Variants in CHRNG observed in about 807,000 individuals in gnomAD.
CHRNG encodes the protein cholinergic receptor nicotinic gamma subunit.
In CHRNG, 72 loss-of-function variants were observed where a neutral mutation model predicts 65.2. That is an observed-to-expected ratio of 1.10 (90% CI 0.91 to 1.34). The LOEUF is 1.34. Among genes scored for constraint, CHRNG ranks in the 40% most tolerant of loss-of-function variants. The pLI, the probability that CHRNG is intolerant of heterozygous loss-of-function variation, is 0.00. For synonymous variants in CHRNG, 284 were observed against 290.2 expected, an observed-to-expected ratio of 0.98 and a Z score of 0.22; for missense variants, 637 against 680.1, an observed-to-expected ratio of 0.94 and a Z score of 0.70.
intron 8 of CHRNG, 57 bp from the exon 9 acceptor site, chr2:232,543,528 G>A (rs923366979): frequency 3.0e-5 from 40 of 1,312,062 alleles, no homozygotes; most frequent in Non-Finnish European, 4.4e-5. Flanking sequence ...CAGCCACTAA[G>A]CGTGGGGGTG....
At position 232,542,411 on chromosome 2, in the gene CHRNG, G is replaced by A. The variant is rs184423691; in HGVS notation, c.507-12G>A. ...CCGCTCACATTTAGCCTCTTTCCTC[G>A]GTGACTCCCAGGTCCCAGACTTACA... On this transcript the variant is annotated splice_polypyrimidine_tract_variant and intron_variant, in intron 5 of 11. Transcript: ENST00000651502. 992 of 1,599,618 alleles carry A rather than the reference G, an allele frequency of 6.2e-4. No homozygotes were observed. The highest frequency in any genetic ancestry group is 8.1e-4 in the Non-Finnish European group (945 of 1,167,436).
chr2:232,541,983 A>C lies in CHRNG; in HGVS notation c.507-440A>C. On this transcript the variant is annotated intron_variant, in intron 5 of 11. Coordinates refer to ENST00000651502, the MANE Select transcript of CHRNG (RefSeq NM_005199.5). The surrounding 1 kb of genome is among the most constrained non-coding windows in gnomAD (Gnocchi z 4.0). ...TCTCTGGGTCTGTTTCCTCAAACCT[A>C]AGTGTGGGGAGGAGGGCCCGGGGGA... 3.2e-6 allele frequency: 1 copy of C among 315,822 alleles called. No individual in the cohort carries two copies. The highest frequency in any genetic ancestry group is 6.1e-6 in the Non-Finnish European group (1 of 165,144). 19.6% of individuals were successfully genotyped at this position (315,822 alleles called of 1,614,324 possible).
At position 232,543,369 on chromosome 2, in the gene CHRNG, G is replaced by C; in HGVS notation, c.900G>C (p.Gln300His). 1 of 1,613,794 alleles carries C rather than the reference G, an allele frequency of 6.2e-7. No homozygotes were observed. Among genetic ancestry groups the C allele is most frequent in the Non-Finnish European group, 8.5e-7 (1 of 1,179,728 alleles). ...LVAKKVPETSQAVPLISKYLT... is the reference protein window; with the variant it reads ...LVAKKVPETSHAVPLISKYLT... ...CCAAGAAGGTGCCTGAAACCTCCCA[G>C]GCGGTGCCACTCATCAGCAAGTAAG... Residue 300 changes from glutamine (Q) to histidine (H), a missense_variant, in exon 8 of 12, where the codon CAG becomes CAC. Gln to His is a conservative substitution (Grantham distance 24). Transcript: ENST00000651502.
chr2:232,541,307 G>T lies in CHRNG; in HGVS notation c.351-67G>T, dbSNP rs1225326241. ...CCTATCCACATGGGGCACAGGGGCT[G>T]GTCTGGGGCTGGGGTGTCGGGGGCT... On this transcript the variant is annotated intron_variant, in intron 4 of 11. Transcript: ENST00000651502. This position sits in a 1 kb window ranked among gnomAD's most constrained non-coding sequence, Gnocchi z 4.0. The T allele has an allele frequency of 6.2e-7, 1 of 1,600,552 alleles. No individual in the cohort carries two copies. Among genetic ancestry groups the T allele is most frequent in the Non-Finnish European group, 8.5e-7 (1 of 1,169,804 alleles).
rs1692001912 is a variant in CHRNG, at chr2:232,540,914, C to G, written c.350+203C>G. Among the ~76,000 whole-genome samples the G allele has an allele frequency of 6.6e-6, 1 of 152,044 alleles. No homozygotes were observed. The highest frequency in any genetic ancestry group is 2.4e-5 in the African/African-American group (1 of 41,402). The stretch of plus-strand genomic sequence containing the variant: ...TGACCCCAGGGCCAGCAGAGCAGAC[C>G]CTACGCCAGGCTCCATCTCCTCTGG... On this transcript the variant is annotated intron_variant, in intron 4 of 11. Coordinates refer to ENST00000651502, the MANE Select transcript of CHRNG (RefSeq NM_005199.5). This position sits in a 1 kb window ranked among gnomAD's most constrained non-coding sequence, Gnocchi z 4.2.
chr2:232,545,782 C>T lies in CHRNG; in HGVS notation c.*66C>T, dbSNP rs995325414. 8.4e-6 allele frequency: 13 copies of T among 1,551,354 alleles called. No homozygotes were observed. The highest frequency in any genetic ancestry group is 4.5e-5 in the South Asian group (4 of 89,834). On this transcript the variant is annotated 3_prime_UTR_variant, in exon 12 of 12. Coordinates refer to ENST00000651502, the MANE Select transcript of CHRNG (RefSeq NM_005199.5). Reference sequence around the variant, plus strand: ...GGGTCACACTGAGTCTTATCAGCCACGTTCTCCTACTGAGGTCCTAAGTGT... The same window carrying T: ...GGGTCACACTGAGTCTTATCAGCCATGTTCTCCTACTGAGGTCCTAAGTGT...
Position 232,543,717 on chromosome 2 carries a change from C to CTTGCGGA in CHRNG, c.1035+18_1035+19insTTGCGGA. ...TCCGCAAGGCAAGGACCCTCCCTGC[C>CTTGCGGA]CACTTCAACATCCCGCTGCCCACTC... On this transcript the variant is annotated intron_variant, in intron 9 of 11. Coordinates refer to ENST00000651502, the MANE Select transcript of CHRNG (RefSeq NM_005199.5). The CTTGCGGA allele has an allele frequency of 6.8e-7, 1 of 1,464,780 alleles. No homozygotes were observed. The highest frequency in any genetic ancestry group is 9.6e-7 in the Non-Finnish European group (1 of 1,044,482). 90.7% of individuals were successfully genotyped at this position (1,464,780 alleles called of 1,614,324 possible). A position where few individuals can be genotyped will look rare whatever the true frequency, so the allele number is the denominator to read the frequency against.
rs751748690 is a variant in CHRNG at position 232,545,590 on chromosome 2, C to T, written c.1428C>T (p.Cys476=). Residue 476 remains cysteine, a synonymous_variant, in exon 12 of 12, where the codon TGC becomes TGT. Transcript: ENST00000651502. ...TGGGCCGAGTGCTGGACCGCGTCTGCTTCCTGGCCATGCTCTCGCTCTTCA... is the reference window on the plus strand; with the variant it reads ...TGGGCCGAGTGCTGGACCGCGTCTGTTTCCTGGCCATGCTCTCGCTCTTCA... ...FLVGRVLDRV[C]FLAMLSLFIC... 8.1e-6 allele frequency: 13 copies of T among 1,614,104 alleles called. No individual in the cohort carries two copies. The highest frequency in any genetic ancestry group is 1.1e-5 in the Non-Finnish European group (13 of 1,180,030).
rs57021172 is a variant in CHRNG, at chr2:232,546,308, C to CTT, written c.*611_*612dup. 0.29 allele frequency: 26,660 copies of CTT among 93,510 alleles called. 3,490 individuals carry two copies. Among genetic ancestry groups the CTT allele is most frequent in the East Asian group, 0.48 (1,702 of 3,580 alleles). The allele number at this position is 93,510 out of a possible 1,614,324, so 5.8% of individuals were successfully genotyped here. A position where few individuals can be genotyped will look rare whatever the true frequency, so the allele number is the denominator to read the frequency against. ...ACGATTTCCTGAGTTTTGTAATCCT[C>CTT]TTTTTTTTTTTTTTTTTTTTAGTTT... On this transcript the variant is annotated 3_prime_UTR_variant, in exon 12 of 12. Transcript: ENST00000651502.
rs753880381 is a variant in CHRNG, at chr2:232,543,695, G to A, written c.1031G>A (p.Arg344His). The A allele has an allele frequency of 1.8e-5, 28 of 1,590,596 alleles. No individual in the cohort carries two copies. Among genetic ancestry groups the A allele is most frequent in the South Asian group, 6.6e-5 (6 of 90,606 alleles). ...ACACACTCCATGGCCCGAGGGGTCC[G>A]CAAGGCAAGGACCCTCCCTGCCCAC... The part of the protein sequence containing the change: ...PHTHSMARGV[R>H]KVFLRLLPQL... Residue 344 changes from arginine (R) to histidine (H), a missense_variant, in exon 9 of 12, where the codon CGC (arginine) becomes CAC (histidine). Transcript: ENST00000651502.
At chr2:232,543,877 C>T (rs977097810) in intron 9 of CHRNG, among the ~76,000 whole-genome samples, 178 bp downstream of exon 9, 2 of 152,230 alleles carry the variant, frequency 1.3e-5, no homozygotes. Context: ...TCCTAGGTGC[C>T]CGGGATATTA....
In CHRNG at chr2:232,546,672, A is replaced by C. The variant is rs74539497; in HGVS notation, c.*956A>C. On this transcript the variant is annotated 3_prime_UTR_variant, in exon 12 of 12. Transcript: ENST00000651502. The stretch of plus-strand genomic sequence containing the variant: ...TTAAGAGCTCCTCACAGCAGTATGG[A>C]TAAGCAAGAGTCATTATTCCCCATG... 0.18 allele frequency among the ~76,000 whole-genome samples: 26,917 copies of C among 151,954 alleles called. 2,598 individuals carry two copies. The highest frequency in any genetic ancestry group is 0.26 in the Middle Eastern group (76 of 294).
intron 5 of CHRNG, 143 bp from the exon 6 acceptor site, chr2:232,542,280 T>G (rs966328919): frequency 2.9e-6 from 2 of 680,378 alleles, no homozygotes; most frequent in African/African-American, 3.5e-5. Context: ...ATCTCGCCAG[T>G]GGGGTTTTAT....
Position 232,540,526 on chromosome 2 carries a change from C to G in CHRNG, c.241-76C>G. 6.2e-7 allele frequency: 1 copy of G among 1,600,472 alleles called. No individual in the cohort carries two copies. Among genetic ancestry groups the G allele is most frequent in the South Asian group, 1.1e-5 (1 of 90,736 alleles). On this transcript the variant is annotated intron_variant, in intron 3 of 11. Transcript: ENST00000651502. The surrounding 1 kb of genome is among the most constrained non-coding windows in gnomAD (Gnocchi z 4.2). ...GCCCCGTTCCTGCCTCTTCTGTCCTCTTGGGCTGGATGCCCACTCCTAGGG... is the reference window on the plus strand; with the variant it reads ...GCCCCGTTCCTGCCTCTTCTGTCCTGTTGGGCTGGATGCCCACTCCTAGGG...
rs776565802 is a variant in CHRNG, at chr2:232,545,665, G to A, written c.1503G>A (p.Pro501=). 1.9e-5 allele frequency: 30 copies of A among 1,614,008 alleles called. 1 individual carries two copies. The highest frequency in any genetic ancestry group is 1.1e-4 in the South Asian group (10 of 91,090). Residue 501 remains proline (P), a synonymous_variant, in exon 12 of 12, where the codon CCG becomes CCA. Transcript: ENST00000651502. ...IFLMAHYNRV[P]ALPFPGDPRP... ...TCATGGCCCACTACAACCGGGTGCC[G>A]GCCCTGCCATTCCCTGGAGATCCAC...
chr2:232,540,146 G>A lies in CHRNG; in HGVS notation c.195+15G>A, dbSNP rs774358095. The A allele has an allele frequency of 9.9e-6, 16 of 1,614,044 alleles. No individual in the cohort carries two copies. Among genetic ancestry groups the A allele is most frequent in the East Asian group, 8.9e-5 (4 of 44,882 alleles). Reference sequence around the variant, plus strand: ...TCATCTCCCTGGTAAGCCGCAGGACGGAGGAGGGGTCAGCGCACCACGCCC... The same window carrying A: ...TCATCTCCCTGGTAAGCCGCAGGACAGAGGAGGGGTCAGCGCACCACGCCC... On this transcript the variant is annotated intron_variant, in intron 2 of 11. Coordinates refer to ENST00000651502, the MANE Select transcript of CHRNG (RefSeq NM_005199.5). This position sits in a 1 kb window ranked among gnomAD's most constrained non-coding sequence, Gnocchi z 4.2.
In CHRNG at chr2:232,546,325, TTTTA is replaced by T. The variant is rs1352596753; in HGVS notation, c.*610_*613del. ...GTAATCCTCTTTTTTTTTTTTTTTT[TTTTA>T]GTTTTTGATGTGTTGTTGTTGTTTT... is the stretch of plus-strand genomic sequence containing the variant. On this transcript the variant is annotated 3_prime_UTR_variant, in exon 12 of 12. Transcript: ENST00000651502. 1.3e-5 allele frequency: 2 copies of T among 156,552 alleles called. No homozygotes were observed. Among genetic ancestry groups the T allele is most frequent in the Non-Finnish European group, 2.8e-5 (2 of 70,708 alleles). The allele number at this position is 156,552 out of a possible 1,614,324, so 9.7% of individuals were successfully genotyped here.
chr2:232,540,489 T>A lies in CHRNG; in HGVS notation c.240+64T>A. 1 of 1,604,764 alleles carries A rather than the reference T, an allele frequency of 6.2e-7. No individual in the cohort carries two copies. ...CCCACCCCACCACCCCAAGGCCTCC[T>A]GAGAGTTGCCTGCCCCGTTCCTGCC... On this transcript the variant is annotated intron_variant, in intron 3 of 11. Transcript: ENST00000651502. This position sits in a 1 kb window ranked among gnomAD's most constrained non-coding sequence, Gnocchi z 4.2.
chr2:232,540,426 G>C lies in CHRNG; in HGVS notation c.240+1G>C. 6.2e-7 allele frequency: 1 copy of C among 1,613,962 alleles called. No homozygotes were observed. Among genetic ancestry groups the C allele is most frequent in the Non-Finnish European group, 8.5e-7 (1 of 1,180,000 alleles). ...CACCACCAATGTCTGGATAGAGATGGTAAGAGGCCACCCTGCCACCCTCCT... is the reference window on the plus strand; with the variant it reads ...CACCACCAATGTCTGGATAGAGATGCTAAGAGGCCACCCTGCCACCCTCCT... On this transcript the variant is annotated splice_donor_variant, in intron 3 of 11. Coordinates refer to ENST00000651502, the MANE Select transcript of CHRNG (RefSeq NM_005199.5). LOFTEE classifies it high-confidence loss of function. The surrounding 1 kb of genome is among the most constrained non-coding windows in gnomAD (Gnocchi z 4.2).
Sources: gnomAD v4.1 joint callset for allele counts (sites outside exome capture counted in the v4.1 genomes callset) on GRCh38, gnomAD v4.1.1 for gene constraint, Gnocchi (gnomAD v3.1) non-coding constraint, MANE v1.5 for transcripts, NCBI Gene and HGNC (gene_info 2026-07-23, HGNC 2026-07-21) for gene names.